The following GRB7 variants were observed in gnomAD, a reference collection of about 807,000 sequenced individuals.
GRB7 encodes the protein growth factor receptor-bound protein 7.
Under a neutral mutation model 64.1 loss-of-function variants are expected in GRB7, and 47 were observed. The ratio of observed to expected loss-of-function variants is 0.73; its 90% CI spans 0.58 to 0.94. The LOEUF is 0.94. GRB7 is among the 40% of genes least tolerant of loss of function. GRB7 has a pLI of 0.00. For missense variants in GRB7, 634 were observed against 718.4 expected, an observed-to-expected ratio of 0.88 and a Z score of 1.34; for synonymous variants, 277 against 279.9, an observed-to-expected ratio of 0.99 and a Z score of 0.10.
At chr17:39,742,848 T>C in intron 3 of GRB7, 50 bp from the exon 4 acceptor site, 2 of 1,540,248 alleles carry the variant, frequency 1.3e-6, no homozygotes, top group Non-Finnish European at 1.8e-6. Context: ...GGAAAGGGAA[T>C]GAATCACCCT....
rs575248938 is a variant in GRB7, at chr17:39,747,122, C to A, written c.*225C>A. On this transcript the variant is annotated 3_prime_UTR_variant, in exon 15 of 15. Transcript: ENST00000309156. The stretch of plus-strand genomic sequence containing the variant: ...CCTCAAGGGAAGGCCTTGGGTGGCC[C>A]CCTCTCCTTCTCCTAGCTCTGGAGG... The A allele has an allele frequency of 7.2e-6, 4 of 556,132 alleles. No individual in the cohort carries two copies. The highest frequency in any genetic ancestry group is 3.3e-5 in the Admixed American group (1 of 29,852). The allele number at this position is 556,132 out of a possible 1,614,324, so 34.4% of individuals were successfully genotyped here. A position where few individuals can be genotyped will look rare whatever the true frequency, so the allele number is the denominator to read the frequency against.
At chr17:39,744,510 C>A in intron 7 of GRB7, 43 bp from the exon 8 acceptor site, 1 of 1,490,758 alleles carries the variant, frequency 6.7e-7, no homozygotes, top group Non-Finnish European at 9.2e-7. Flanking sequence ...TAATAGTGGG[C>A]GGGATCTACC....
At chr17:39,744,704 A>G (rs562669144) in intron 8 of GRB7, 41 bp downstream of exon 8, 1 of 1,529,306 alleles carries the variant, frequency 6.5e-7, no homozygotes, top group Non-Finnish European at 8.9e-7. Context: ...CTGGGGAAGC[A>G]GGAACTGCTC....
Position 39,744,675 on chromosome 17 carries a change from G to A in GRB7, c.912+12G>A, listed in dbSNP as rs369654796. On this transcript the variant is annotated intron_variant, in intron 8 of 14. Coordinates refer to ENST00000309156, the MANE Select transcript of GRB7 (RefSeq NM_005310.5). ...GTTTCTGTGTCAAGGTGAAGACCTG[G>A]CCAGGCCTGGCCCCTGGCCTGGGGA... The A allele has an allele frequency of 6.3e-7, 1 of 1,584,752 alleles. No homozygotes were observed. Among genetic ancestry groups the A allele is most frequent in the African/African-American group, 1.4e-5 (1 of 74,026 alleles).
chr17:39,740,738 AG>A (rs933102422), intron 1 of GRB7, among the ~76,000 whole-genome samples: 2 of 152,148 alleles, frequency 1.3e-5, no homozygotes, highest in Non-Finnish European at 2.9e-5. Context: ...GGGTGGAGGC[AG>A]GGCTGTTTTT....
chr17:39,739,183 C>A (rs930513790), intron 1 of GRB7, among the ~76,000 whole-genome samples: 4 of 151,180 alleles, frequency 2.6e-5, no homozygotes, highest in Non-Finnish European at 5.9e-5. Context: ...CACCGCCCCC[C>A]AGGAATGCCC....
At chr17:39,741,307 A>C (rs1210014237) in intron 1 of GRB7, among the ~76,000 whole-genome samples, 1 of 152,158 alleles carries the variant, frequency 6.6e-6, no homozygotes, top group African/African-American at 2.4e-5. Context: ...GCTTCAGGAA[A>C]GAGTTGGGCA....
intron 1 of GRB7, chr17:39,740,192 G>A (rs1374629132): frequency 2.0e-6 from 2 of 983,254 alleles, no homozygotes; most frequent in Non-Finnish European, 2.4e-6. Flanking sequence ...GTTAGACTGG[G>A]GTGGGAGTGG....
chr17:39,746,616 CAA>C (rs375400306), intron 14 of GRB7, 133 bp from the exon 15 acceptor site: 2,960 of 959,020 alleles, frequency 3.1e-3, no homozygotes, highest in South Asian at 4.1e-3. Flanking sequence ...AAAACTGTCT[CAA>C]AAAAAAAAAA....
chr17:39,741,327 C>T (rs552196216), intron 1 of GRB7, among the ~76,000 whole-genome samples: 1 of 152,192 alleles, frequency 6.6e-6, no homozygotes, highest in South Asian at 2.1e-4. Flanking sequence ...AGGAGGATGG[C>T]CTGGGGAGGG....
chr17:39,746,641 AAAAAGAAAAAAG>A, intron 14 of GRB7, 98 bp from the exon 15 acceptor site: 1 of 458,936 alleles, frequency 2.2e-6, no homozygotes, highest in South Asian at 3.3e-5. Flanking sequence ...AAAGAAAAAG[AAAAAGAAAAAAG>A]AAAAGAATAA....
rs991956921 is a variant in GRB7 at position 39,743,246 on chromosome 17, G to A, written c.530G>A (p.Ser177Asn). Reference protein sequence around the residue: ...VQAAWPVGGDSRFVFRKNFAK... With the variant: ...VQAAWPVGGDNRFVFRKNFAK... ...GCTGCCTGGCCCGTGGGCGGAGATA[G>A]CCGCTTCGTCTTCCGGAAAAACTTC... is the stretch of plus-strand genomic sequence containing the variant. Residue 177 changes from serine to asparagine, a missense_variant, in exon 5 of 15, where the codon AGC becomes AAC. By Grantham distance (46) the Ser-to-Asn change is conservative (BLOSUM62 1). Around this residue, in one of 2 missense-constraint regions of GRB7, gnomAD observed 467 missense variants for 576.6 expected, o/e 0.81. Coordinates refer to ENST00000309156, the MANE Select transcript of GRB7 (RefSeq NM_005310.5). 5 of 1,614,202 alleles carry A rather than the reference G, an allele frequency of 3.1e-6. No homozygotes were observed. Among genetic ancestry groups the A allele is most frequent in the Non-Finnish European group, 3.4e-6 (4 of 1,180,028 alleles).
At position 39,744,953 on chromosome 17, in the gene GRB7, C is replaced by T. The variant is rs139555098; in HGVS notation, c.980C>T (p.Thr327Ile). Residue 327 changes from threonine to isoleucine, a missense_variant, in exon 9 of 15, where the codon ACC becomes ATC. Physicochemically the swap from Thr to Ile is moderately conservative, Grantham distance 89 (BLOSUM62 -1). Around this residue, in one of 2 missense-constraint regions of GRB7, gnomAD observed 467 missense variants for 576.6 expected, o/e 0.81. Transcript: ENST00000309156. ...TGCAGTGAAGATGAGCAGAGCCGCA[C>T]CTGCTGGCTGGCTGCCTTCCGCCTC... Reference protein sequence around the residue: ...IFCSEDEQSRTCWLAAFRLFK... With the variant: ...IFCSEDEQSRICWLAAFRLFK... 7.4e-6 allele frequency: 12 copies of T among 1,613,852 alleles called. No individual in the cohort carries two copies. In the South Asian group the frequency reaches 8.8e-5, roughly 12 times the overall value.
chr17:39,740,545 G>A (rs1343577995), intron 1 of GRB7, among the ~76,000 whole-genome samples: 1 of 152,160 alleles, frequency 6.6e-6, no homozygotes, highest in Non-Finnish European at 1.5e-5. Context: ...TGGCGAGGAG[G>A]TGGTTTGGGA....
chr17:39,742,708 C>T lies in GRB7; in HGVS notation c.298C>T (p.Arg100Cys), dbSNP rs745576131. The T allele has an allele frequency of 9.0e-6, 14 of 1,559,842 alleles. No homozygotes were observed. The highest frequency in any genetic ancestry group is 2.4e-5 in the South Asian group (2 of 83,444). ...GGGGCTGCTCCCCCGCGATGCCAGC[C>T]GCCCCCATGTGAGTTGTCCCTCAGA... ...ARGLLPRDASRPHVVKVYSED... is the reference protein window; with the variant it reads ...ARGLLPRDASCPHVVKVYSED... Residue 100 changes from arginine (R) to cysteine (C), a missense_variant, in exon 3 of 15, where the codon CGC (arginine) becomes TGC (cysteine). Coordinates refer to ENST00000309156, the MANE Select transcript of GRB7 (RefSeq NM_005310.5).
chr17:39,744,998 A>C lies in GRB7; in HGVS notation c.1011+14A>C, dbSNP rs768832952. On this transcript the variant is annotated intron_variant, in intron 9 of 14. Coordinates refer to ENST00000309156, the MANE Select transcript of GRB7 (RefSeq NM_005310.5). ...CGCCTCTTCAAGGTGAGACCCTGGG[A>C]GTGGCATGGGGGGCTGGCCTGGCCA... 8.1e-6 allele frequency: 13 copies of C among 1,604,974 alleles called. No homozygotes were observed. The East Asian group carries it at 2.9e-4, about 36-fold the overall frequency.
intron 8 of GRB7, 46 bp downstream of exon 8, chr17:39,744,709 C>A: frequency 6.6e-7 from 1 of 1,504,132 alleles, no homozygotes. Flanking sequence ...GAAGCAGGAA[C>A]TGCTCAGGCC....
intron 2 of GRB7, 51 bp from the exon 3 acceptor site, chr17:39,742,515 A>G: frequency 3.7e-6 from 6 of 1,612,972 alleles, no homozygotes; most frequent in Non-Finnish European, 5.1e-6. Context: ...AGAGGCTTGC[A>G]GGCCACTGCT....
chr17:39,745,353 G>A, intron 10 of GRB7, 30 bp downstream of exon 10: 1 of 1,605,606 alleles, frequency 6.2e-7, no homozygotes, highest in Non-Finnish European at 8.5e-7. Context: ...TGGGAGGGTG[G>A]GTATGCAGGC....
Sources: gnomAD v4.1 joint callset for allele counts (sites outside exome capture counted in the v4.1 genomes callset) on GRCh38, gnomAD v4.1.1 for gene constraint, gnomAD v4.1.1 regional missense constraint, MANE v1.5 for transcripts, NCBI Gene and HGNC (gene_info 2026-07-23, HGNC 2026-07-21) for gene names.